The following TENM3 variants were observed in gnomAD, a reference collection of about 807,000 sequenced individuals.
TENM3 encodes teneurin transmembrane protein 3.
TENM3 carries 63 observed loss-of-function variants against 255.1 expected under a neutral mutation model. The ratio of observed to expected loss-of-function variants is 0.25; its 90% confidence interval spans 0.20 to 0.30. TENM3 has a LOEUF of 0.30. Ranked by LOEUF, TENM3 falls within the 10% of genes least tolerant of loss-of-function variation. The pLI is 1.00. For synonymous variants in TENM3, 1,306 were observed against 1,322.3 expected (o/e 0.99, Z 0.27); for missense variants, 2,929 against 3,461.1 (o/e 0.85, Z 3.86).
At chr4:182,763,330 C>A (rs1763370733) in intron 22 of TENM3, among the ~76,000 whole-genome samples, 1 of 152,094 alleles carries the variant, frequency 6.6e-6, no homozygotes, top group Admixed American at 6.6e-5. Flanking sequence ...CTTTGGGAGG[C>A]TGAGGCGGGC....
intron 1 of TENM3, among the ~76,000 whole-genome samples, chr4:182,271,998 G>T (rs1486582473): frequency 6.6e-6 from 1 of 152,178 alleles, no homozygotes; most frequent in African/African-American, 2.4e-5. Flanking sequence ...AGTTTAAGCT[G>T]ATTAGATGTG....
the TENM3 span, among the ~76,000 whole-genome samples, chr4:181,883,126 C>CTTTTT: frequency 1.9e-5 from 2 of 106,730 alleles, no homozygotes; most frequent in South Asian, 3.0e-4. Flanking sequence ...TGCAATTAAT[C>CTTTTT]TTTTTTTTTT....
the TENM3 span, among the ~76,000 whole-genome samples, chr4:182,009,296 C>T: frequency 6.6e-6 from 1 of 152,128 alleles, no homozygotes. Context: ...GGGAAACCCA[C>T]TTATCAAGGC....
intron 3 of TENM3, among the ~76,000 whole-genome samples, chr4:182,523,510 TGAGAA>T (rs1738800519): frequency 6.6e-6 from 1 of 152,304 alleles, no homozygotes; most frequent in South Asian, 2.1e-4. Flanking sequence ...TAGTGGGTAC[TGAGAA>T]GAGAAGAGAA....
intron 3 of TENM3, among the ~76,000 whole-genome samples, chr4:182,408,493 C>A (rs959027845): frequency 3.3e-5 from 5 of 152,128 alleles, no homozygotes; most frequent in African/African-American, 9.7e-5. Context: ...CTTCTGGGAA[C>A]AAAATGGGCC....
chr4:182,551,920 A>G (rs774688854), intron 3 of TENM3, among the ~76,000 whole-genome samples: 6 of 151,606 alleles, frequency 4.0e-5, no homozygotes, highest in Non-Finnish European at 7.4e-5. Context: ...CAGGAGGCTG[A>G]GGCAGGAGGA....
rs1477570308 is a variant in TENM3, at chr4:182,800,932, G to GA, written c.*587dup. 6.6e-6 allele frequency: 1 copy of GA among 152,632 alleles called. No individual in the cohort carries two copies. The highest frequency in any genetic ancestry group is 1.5e-5 in the Non-Finnish European group (1 of 68,036). The allele number at this position is 152,632 out of a possible 1,614,324, so 9.5% of individuals were successfully genotyped here. A position where few individuals can be genotyped will look rare whatever the true frequency, so the allele number is the denominator to read the frequency against. Reference sequence around the variant, plus strand: ...AATGCTAACGTGGTTTCCCTTCGGGGAAAAAACTGGCAACTAGAATCCTTG... The same window carrying GA: ...AATGCTAACGTGGTTTCCCTTCGGGGAAAAAAACTGGCAACTAGAATCCTTG... On this transcript the variant is annotated 3_prime_UTR_variant, in exon 28 of 28. Transcript: ENST00000511685.
Position 182,417,589 on chromosome 4 carries a change from A to G in TENM3, c.511+70660A>G, listed in dbSNP as rs1770484452. 1.3e-5 allele frequency among the ~76,000 whole-genome samples: 2 copies of G among 152,208 alleles called. 1 individual carries two copies. The highest frequency in any genetic ancestry group is 4.8e-5 in the African/African-American group (2 of 41,456). On this transcript the variant is annotated intron_variant, in intron 3 of 27. Coordinates refer to ENST00000511685, the MANE Select transcript of TENM3 (RefSeq NM_001080477.4). ...TTGATTATTTAAAAATAATGCCAGGAAGGACTTAGTATCTAATAAACGGCT... is the reference window on the plus strand; with the variant it reads ...TTGATTATTTAAAAATAATGCCAGGGAGGACTTAGTATCTAATAAACGGCT...
the TENM3 span, among the ~76,000 whole-genome samples, chr4:181,479,783 A>G: frequency 2.6e-5 from 4 of 152,170 alleles, no homozygotes; most frequent in African/African-American, 9.7e-5. Flanking sequence ...AAATAAAATT[A>G]CATTCGAAGA....
At chr4:181,453,983 C>G in the TENM3 span, among the ~76,000 whole-genome samples, 1 of 152,230 alleles carries the variant, frequency 6.6e-6, no homozygotes, top group South Asian at 2.1e-4. Context: ...CTTTTGACCT[C>G]TCTTCTGTAA....
the TENM3 span, among the ~76,000 whole-genome samples, chr4:181,995,082 A>G: frequency 1.3e-5 from 2 of 152,116 alleles, no homozygotes; most frequent in South Asian, 2.1e-4. Flanking sequence ...TGAGGTCAGG[A>G]GTTCGAGACT....
the TENM3 span, among the ~76,000 whole-genome samples, chr4:181,620,605 C>T: frequency 0.098 from 14,697 of 150,612 alleles, 822 homozygotes; most frequent in South Asian, 0.2. Context: ...CAGGAATAGA[C>T]TCCTGACATT....
the TENM3 span, among the ~76,000 whole-genome samples, chr4:181,722,172 G>A: frequency 6.6e-6 from 1 of 152,182 alleles, no homozygotes; most frequent in African/African-American, 2.4e-5. Flanking sequence ...TAGAAAGAAT[G>A]GAAGGGTAGC....
rs1737461880 is a variant in TENM3, at chr4:182,512,079, G to C, written c.512-88845G>C. ...CTTAACCAGGAACTCTCATCTCCTG[G>C]GATAGTGAAAGTAAAGGAGGATGTG... On this transcript the variant is annotated intron_variant, in intron 3 of 27. Coordinates refer to ENST00000511685, the MANE Select transcript of TENM3 (RefSeq NM_001080477.4). Among the ~76,000 whole-genome samples, 9 of 152,190 alleles carry C rather than the reference G, an allele frequency of 5.9e-5. 1 individual carries two copies. The South Asian group carries it at 1.9e-3, about 32-fold the overall frequency.
chr4:182,633,307 A>G (rs576370130), intron 5 of TENM3, among the ~76,000 whole-genome samples: 1 of 152,194 alleles, frequency 6.6e-6, no homozygotes, highest in Admixed American at 6.5e-5. Context: ...TTAAGTTAAC[A>G]TTTTCTTGGC....
the TENM3 span, among the ~76,000 whole-genome samples, chr4:182,002,581 C>T: frequency 2.0e-5 from 3 of 152,004 alleles, no homozygotes; most frequent in African/African-American, 7.2e-5. Flanking sequence ...CCAATAAGAC[C>T]AGGTTCCTAC....
At chr4:181,828,458 A>T in the TENM3 span, among the ~76,000 whole-genome samples, 1 of 152,264 alleles carries the variant, frequency 6.6e-6, no homozygotes. Context: ...ATCCCAATGA[A>T]GTAGCCATTA....
At chr4:182,658,001 T>C (rs1324868173) in intron 6 of TENM3, among the ~76,000 whole-genome samples, 2 of 152,160 alleles carry the variant, frequency 1.3e-5, no homozygotes, top group African/African-American at 4.8e-5. Context: ...TTTGATCACT[T>C]CTCTGCCTTC....
the TENM3 span, among the ~76,000 whole-genome samples, chr4:182,002,586 T>G: frequency 6.6e-6 from 1 of 152,106 alleles, no homozygotes; most frequent in African/African-American, 2.4e-5. Flanking sequence ...AAGACCAGGT[T>G]CCTACCTGTT....
Sources: gnomAD v4.1 joint callset for allele counts (sites outside exome capture counted in the v4.1 genomes callset) on GRCh38, gnomAD v4.1.1 for gene constraint, MANE v1.5 for transcripts, NCBI Gene and HGNC (gene_info 2026-07-23, HGNC 2026-07-21) for gene names.